Variants in BICRAL observed in about 807,000 individuals in gnomAD.
The protein encoded by BICRAL is BRD4-interacting chromatin-remodeling complex-associated protein-like.
A neutral mutation model predicts 91.8 loss-of-function variants in BICRAL; 8 were observed. The observed-to-expected ratio is 0.09, with a 90% CI of 0.05 to 0.16. BICRAL has a LOEUF of 0.16. BICRAL is among the 10% of genes least tolerant of loss of function. The pLI is 1.00. For synonymous variants in BICRAL, 445 were observed against 491.1 expected (o/e 0.91, Z 1.24); for missense variants, 1,038 against 1,310.9 (o/e 0.79, Z 3.21).
chr6:42,840,384 A>G (rs1764755627), intron 6 of BICRAL, among the ~76,000 whole-genome samples: 1 of 151,824 alleles, frequency 6.6e-6, no homozygotes. Flanking sequence ...CTGAGAGTAC[A>G]GGCATGTGCC....
At chr6:42,784,447 G>A (rs927408667) in intron 1 of BICRAL, among the ~76,000 whole-genome samples, 3 of 152,164 alleles carry the variant, frequency 2.0e-5, no homozygotes, top group African/African-American at 7.2e-5. Context: ...GCCAGTAGGT[G>A]TGTCCTTGTG....
At chr6:42,780,783 G>A (rs1762888168), upstream of BICRAL, among the ~76,000 whole-genome samples, 1 of 152,004 alleles carries the variant, frequency 6.6e-6, no homozygotes, top group African/African-American at 2.4e-5. Context: ...TGTCGCCCAG[G>A]CTAGAGTGCA....
chr6:42,769,770 A>G (rs976108375), intron 1 of BICRAL, among the ~76,000 whole-genome samples: 1 of 152,136 alleles, frequency 6.6e-6, no homozygotes, highest in Admixed American at 6.5e-5. Flanking sequence ...GTTTGTCTAG[A>G]ATTTTTTTTG....
chr6:42,801,672 A>C (rs1763575976), intron 1 of BICRAL, among the ~76,000 whole-genome samples: 1 of 152,094 alleles, frequency 6.6e-6, no homozygotes, highest in African/African-American at 2.4e-5. Flanking sequence ...ACTTGAGGTC[A>C]GGAGTTCGAT....
chr6:42,839,234 C>T (rs1764720634), intron 6 of BICRAL, among the ~76,000 whole-genome samples: 1 of 152,136 alleles, frequency 6.6e-6, no homozygotes, highest in Admixed American at 6.6e-5. Context: ...TTCTTCCTCT[C>T]CTTCCCATTT....
chr6:42,827,169 A>G lies in BICRAL; in HGVS notation c.160-1324A>G, dbSNP rs537413242. ...ATTAGTTGACTATACTGTTGAACTC[A>G]CTTGGTATGGTGCTCAGTAAATATT... On this transcript the variant is annotated intron_variant, in intron 5 of 12. Transcript: ENST00000314073. Among the ~76,000 whole-genome samples the G allele has an allele frequency of 2.5e-4, 38 of 152,314 alleles. 2 individuals are homozygous for G. The South Asian group carries it at 7.2e-3, about 29-fold the overall frequency.
At chr6:42,786,695 G>C (rs1763112277) in intron 1 of BICRAL, among the ~76,000 whole-genome samples, 1 of 152,284 alleles carries the variant, frequency 6.6e-6, no homozygotes, top group Non-Finnish European at 1.5e-5. Flanking sequence ...TGGCTAGTAA[G>C]GGTCAAAGAA....
chr6:42,802,143 G>C (rs1763591890), intron 1 of BICRAL, among the ~76,000 whole-genome samples: 1 of 151,664 alleles, frequency 6.6e-6, no homozygotes, highest in Non-Finnish European at 1.5e-5. Context: ...ACAGTGGCAT[G>C]CACCTTTGTT....
chr6:42,823,309 A>T (rs1257431733), intron 5 of BICRAL, among the ~76,000 whole-genome samples: 2 of 152,082 alleles, frequency 1.3e-5, no homozygotes, highest in African/African-American at 4.8e-5. Context: ...TTTAATAGAG[A>T]CAGAGTTTCG....
intron 10 of BICRAL, among the ~76,000 whole-genome samples, chr6:42,859,208 G>T (rs1195335322): frequency 6.6e-6 from 1 of 152,026 alleles, no homozygotes; most frequent in African/African-American, 2.4e-5. Context: ...GGCCAACATG[G>T]TGAAACCCCA....
At chr6:42,836,298 G>A (rs1397491697) in intron 6 of BICRAL, among the ~76,000 whole-genome samples, 1 of 151,998 alleles carries the variant, frequency 6.6e-6, no homozygotes, top group African/African-American at 2.4e-5. Context: ...TCAAAGGGAG[G>A]GGGGAGAAAA....
intron 11 of BICRAL, among the ~76,000 whole-genome samples, chr6:42,861,637 T>C (rs904030320): frequency 6.6e-6 from 1 of 152,226 alleles, no homozygotes; most frequent in Non-Finnish European, 1.5e-5. Context: ...ATTATACACA[T>C]ATACAACATA....
At chr6:42,792,193 C>G (rs1439459035) in intron 1 of BICRAL, among the ~76,000 whole-genome samples, 1 of 152,164 alleles carries the variant, frequency 6.6e-6, no homozygotes, top group Non-Finnish European at 1.5e-5. Context: ...ACACCATACA[C>G]TTAGGCTACA....
intron 1 of BICRAL, among the ~76,000 whole-genome samples, chr6:42,751,661 T>TA (rs1271097291): frequency 6.7e-6 from 1 of 148,280 alleles, no homozygotes; most frequent in Non-Finnish European, 1.5e-5. Context: ...TTTCTTTTTT[T>TA]TTTTTTTTTT....
chr6:42,771,214 A>T (rs866845585), intron 1 of BICRAL, among the ~76,000 whole-genome samples: 1 of 152,196 alleles, frequency 6.6e-6, no homozygotes, highest in African/African-American at 2.4e-5. Flanking sequence ...CGGGTGTTGC[A>T]GGCAGGTTTC....
intron 1 of BICRAL, among the ~76,000 whole-genome samples, chr6:42,790,108 GAAA>G (rs1198367159): frequency 1.3e-5 from 2 of 151,976 alleles, no homozygotes; most frequent in Non-Finnish European, 2.9e-5. Context: ...CACGTGATGA[GAAA>G]AAAAGTCTGA....
rs1415412234 is a variant in BICRAL, at chr6:42,860,328, A to G, written c.2321A>G (p.Tyr774Cys). ...AGGACCCAAGCTATGCTTAACAAAT[A>G]CAGATGCCTGCTCCTAGAAGATGCC... is the stretch of plus-strand genomic sequence containing the variant. ...LKRTQAMLNK[Y>C]RCLLLEDAMR... The change falls in exon 11 of 13, where the codon TAC becomes TGC. Residue 774 changes from tyrosine to cysteine, a missense_variant. Transcript: ENST00000314073. The G allele has an allele frequency of 6.2e-7, 1 of 1,608,618 alleles. No homozygotes were observed. The highest frequency in any genetic ancestry group is 8.5e-7 in the Non-Finnish European group (1 of 1,175,408).
Position 42,862,519 on chromosome 6 carries a change from C to T in BICRAL, c.2359C>T (p.Pro787Ser). ...CCTCTCTCTTTTTCAGCGAATCAATCCCTCTGCTGAGATGGTGATGATCGA... is the reference window on the plus strand; with the variant it reads ...CCTCTCTCTTTTTCAGCGAATCAATTCCTCTGCTGAGATGGTGATGATCGA... Reference protein sequence around the residue: ...LLLEDAMRINPSAEMVMIDRM... With the variant: ...LLLEDAMRINSSAEMVMIDRM... The change falls in exon 12 of 13, where the codon CCC (proline) becomes TCC (serine). Residue 787 changes from proline (P) to serine (S), a missense_variant. Pro to Ser is a moderately conservative substitution (Grantham distance 74). This residue lies in a region of BICRAL where 294 missense variants were observed against 292.6 expected (regional missense o/e 1.00). Coordinates refer to ENST00000314073, the MANE Select transcript of BICRAL (RefSeq NM_001393499.1). 1 of 1,598,968 alleles carries T rather than the reference C, an allele frequency of 6.3e-7. No individual in the cohort carries two copies. The highest frequency in any genetic ancestry group is 8.6e-7 in the Non-Finnish European group (1 of 1,166,746).
chr6:42,839,790 G>A (rs1562488081), intron 6 of BICRAL, among the ~76,000 whole-genome samples: 1 of 152,148 alleles, frequency 6.6e-6, no homozygotes, highest in Admixed American at 6.5e-5. Context: ...ATGGAAGCCT[G>A]TTTGAGCTGG....
Sources: gnomAD v4.1 joint callset for allele counts (sites outside exome capture counted in the v4.1 genomes callset) on GRCh38, gnomAD v4.1.1 for gene constraint, gnomAD v4.1.1 regional missense constraint, MANE v1.5 for transcripts, NCBI Gene and HGNC (gene_info 2026-07-23, HGNC 2026-07-21) for gene names.